TNR: variants seen among roughly 807,000 people sequenced by gnomAD.
TNR encodes tenascin-R.
TNR carries 45 observed loss-of-function variants against 150.4 expected under a neutral mutation model. The ratio of observed to expected loss-of-function variants is 0.30; its 90% confidence interval spans 0.24 to 0.38. The LOEUF is 0.38. Among genes scored for constraint, TNR ranks in the 10% least tolerant of loss-of-function variants. The pLI is 1.00. For missense variants in TNR, 1,544 were observed against 1,759.1 expected (o/e 0.88, Z 2.19); for synonymous variants, 687 against 678.4 (o/e 1.01, Z -0.20).
intron 18 of TNR, among the ~76,000 whole-genome samples, chr1:175,351,056 G>A (rs755863378): frequency 6.6e-6 from 1 of 152,206 alleles, no homozygotes; most frequent in South Asian, 2.1e-4. Context: ...CATTAGCCCT[G>A]GCTTGCGATC....
intron 1 of TNR, among the ~76,000 whole-genome samples, chr1:175,634,947 T>C (rs565806220): frequency 6.6e-6 from 1 of 152,192 alleles, no homozygotes; most frequent in African/African-American, 2.4e-5. Context: ...ATTCTCTTAA[T>C]GGCAAAGGTT....
At position 175,379,568 on chromosome 1, in the gene TNR, G is replaced by T. The variant is rs140708810; in HGVS notation, c.1947C>A (p.Thr649=). Residue 649 remains threonine (T), a synonymous_variant, in exon 9 of 23, where the codon ACC becomes ACA. Transcript: ENST00000367674. ...CTTACTCACCTGTCAGGGTGGCCCT[G>T]GTGGTTGGACCAATGCCCCTGGGGA... ...VLVPRGIGPT[T]RATLTDLVPG... The T allele has an allele frequency of 1.9e-6, 3 of 1,613,412 alleles. No homozygotes were observed. Among genetic ancestry groups the T allele is most frequent in the Non-Finnish European group, 2.5e-6 (3 of 1,179,930 alleles).
intron 1 of TNR, among the ~76,000 whole-genome samples, chr1:175,726,386 G>A (rs1667480354): frequency 1.3e-5 from 2 of 152,228 alleles, no homozygotes; most frequent in South Asian, 4.1e-4. Flanking sequence ...TAAGTTTTAA[G>A]TTAAAAAGTG....
chr1:175,686,522 C>T (rs933876603), intron 1 of TNR, among the ~76,000 whole-genome samples: 13 of 152,158 alleles, frequency 8.5e-5, no homozygotes, highest in African/African-American at 2.9e-4. Context: ...GGTATGTGTG[C>T]AGATTTGTTA....
chr1:175,634,179 G>C (rs536441036), intron 1 of TNR, among the ~76,000 whole-genome samples: 16 of 152,304 alleles, frequency 1.1e-4, no homozygotes, highest in Admixed American at 9.8e-4. Context: ...TGGCAGGGAG[G>C]AAGATGGGGA....
At chr1:175,374,468 G>A (rs1652277145) in intron 9 of TNR, among the ~76,000 whole-genome samples, 1 of 152,174 alleles carries the variant, frequency 6.6e-6, no homozygotes, top group Admixed American at 6.5e-5. Flanking sequence ...ATGTGTGTAT[G>A]AGTATGTGTG....
At chr1:175,474,686 A>C (rs1657468774) in intron 2 of TNR, among the ~76,000 whole-genome samples, 1 of 152,224 alleles carries the variant, frequency 6.6e-6, no homozygotes, top group Admixed American at 6.5e-5. Flanking sequence ...GGACATCTGG[A>C]AACTTCTTGA....
intron 9 of TNR, among the ~76,000 whole-genome samples, chr1:175,374,266 G>A (rs2236879): frequency 0.4 from 60,276 of 151,996 alleles, 12,170 homozygotes; most frequent in Middle Eastern, 0.5. Flanking sequence ...CTGAGGAGCC[G>A]ACCTTCTCAC....
chr1:175,339,824 T>C lies in TNR; in HGVS notation c.3383-2145A>G, dbSNP rs555503227. 4.1e-4 allele frequency among the ~76,000 whole-genome samples: 63 copies of C among 152,286 alleles called. 1 individual carries two copies. The highest frequency in any genetic ancestry group is 1.5e-3 in the African/African-American group (61 of 41,564). On this transcript the variant is annotated intron_variant, in intron 18 of 22. Coordinates refer to ENST00000367674, the MANE Select transcript of TNR (RefSeq NM_003285.3). ...CCCCACAAATCTCAAAATGACAGTC[T>C]CATACAAATACACATATAAATCTAA...
intron 8 of TNR, among the ~76,000 whole-genome samples, chr1:175,380,132 C>T (rs1652602102): frequency 6.6e-6 from 1 of 152,138 alleles, no homozygotes; most frequent in African/African-American, 2.4e-5. Context: ...GACCACTAAA[C>T]AAAAAGAAGA....
chr1:175,727,790 G>T (rs549886564), intron 1 of TNR, among the ~76,000 whole-genome samples: 13 of 152,146 alleles, frequency 8.5e-5, no homozygotes, highest in Non-Finnish European at 1.6e-4. Flanking sequence ...ACAACAAGAG[G>T]TATGGGGTAG....
chr1:175,714,300 G>A (rs960427812), intron 1 of TNR, among the ~76,000 whole-genome samples: 8 of 151,982 alleles, frequency 5.3e-5, no homozygotes, highest in African/African-American at 1.5e-4. Flanking sequence ...TTCTAGTGAC[G>A]GAAAGCCCAT....
intron 2 of TNR, among the ~76,000 whole-genome samples, chr1:175,474,627 G>T (rs888014787): frequency 2.6e-5 from 4 of 152,248 alleles, no homozygotes; most frequent in African/African-American, 7.2e-5. Flanking sequence ...TGATCCAAGG[G>T]CATGAGAGGG....
chr1:175,448,573 C>A (rs967679104), intron 2 of TNR, among the ~76,000 whole-genome samples: 2 of 152,202 alleles, frequency 1.3e-5, no homozygotes, highest in African/African-American at 4.8e-5. Flanking sequence ...CTCTATCCAC[C>A]TCAGACTAGG....
chr1:175,677,554 C>T (rs915436414), intron 1 of TNR, among the ~76,000 whole-genome samples: 4 of 152,162 alleles, frequency 2.6e-5, no homozygotes, highest in African/African-American at 9.7e-5. Flanking sequence ...ACATTGCAGG[C>T]CTTTCTCTGC....
At chr1:175,668,233 A>T (rs1001687243) in intron 1 of TNR, among the ~76,000 whole-genome samples, 5 of 152,214 alleles carry the variant, frequency 3.3e-5, no homozygotes, top group African/African-American at 1.2e-4. Flanking sequence ...CAGATAAAGT[A>T]TCTTACCAGA....
chr1:175,353,851 A>ATTTATTTTTTTT (rs111708916), intron 18 of TNR, among the ~76,000 whole-genome samples: 4 of 146,138 alleles, frequency 2.7e-5, no homozygotes, highest in African/African-American at 7.7e-5. Flanking sequence ...ATTTTTATTT[A>ATTTATTTTTTTT]TTTTTTTTTT....
At chr1:175,695,743 T>C (rs1666495724) in intron 1 of TNR, among the ~76,000 whole-genome samples, 1 of 152,234 alleles carries the variant, frequency 6.6e-6, no homozygotes, top group African/African-American at 2.4e-5. Context: ...TCCAGTAATA[T>C]GTTTTATTAA....
intron 2 of TNR, among the ~76,000 whole-genome samples, chr1:175,502,993 G>A (rs1658799999): frequency 6.8e-6 from 1 of 147,968 alleles, no homozygotes; most frequent in Admixed American, 6.6e-5. Flanking sequence ...CCTGACACAG[G>A]ATCTTGAAAT....
Sources: allele counts gnomAD v4.1 joint callset (sites outside exome capture counted in the v4.1 genomes callset), GRCh38; gene constraint gnomAD v4.1.1; transcripts MANE v1.5; gene names NCBI Gene and HGNC (gene_info 2026-07-23, HGNC 2026-07-21).